Variants in TJP2 observed in about 807,000 individuals in gnomAD.
TJP2 encodes Friedreich ataxia region gene X104 (tight junction protein ZO-2).
In TJP2, 91 loss-of-function variants were observed where a neutral mutation model predicts 133.1. The ratio of observed to expected loss-of-function variants is 0.68; its 90% CI spans 0.58 to 0.81. The LOEUF (loss-of-function observed/expected upper bound fraction) is 0.81. Ranked by LOEUF, TJP2 falls within the 40% of genes least tolerant of loss-of-function variation. The probability of loss-of-function intolerance (pLI) is 0.00; values close to 1 mark genes in which losing one functional copy is unlikely to be tolerated. For missense variants in TJP2, 1,541 were observed against 1,565.6 expected, an observed-to-expected ratio of 0.98 and a Z score of 0.26; for synonymous variants, 592 against 583.4, an observed-to-expected ratio of 1.01 and a Z score of -0.21.
chr9:69,206,321 C>G (rs371349422), intron 1 of TJP2, among the ~76,000 whole-genome samples: 6 of 152,092 alleles, frequency 3.9e-5, no homozygotes, highest in African/African-American at 1.4e-4. Context: ...AACCTGCGTC[C>G]CCACTCTGCC....
rs896886431 is a variant in TJP2 at position 69,176,889 on chromosome 9, A to G, written c.60+2457A>G. On this transcript the variant is annotated intron_variant, in intron 1 of 22. Transcript: ENST00000377245. ...GCGGGGCCACTTTAGTCCTGTGTAC[A>G]ATAATATGTGTAGTAATATAAATAG... Among the ~76,000 whole-genome samples, 9 of 152,312 alleles carry G rather than the reference A, an allele frequency of 5.9e-5. 1 individual carries two copies. In the South Asian group the frequency reaches 6.2e-4, roughly 11 times the overall value.
rs149386335 is a variant in TJP2 at position 69,228,072 on chromosome 9, C to T, written c.1411C>T (p.Pro471Ser). The change falls in exon 9 of 23, where the codon CCA becomes TCA. Residue 471 changes from proline to serine, a missense_variant. Coordinates refer to ENST00000377245, the MANE Select transcript of TJP2 (RefSeq NM_004817.4). ...AGGGGATATTGCAGGCACAGTTGTC[C>T]CAGAGACCAACAAGGAACCCAGATA... ...STGDIAGTVV[P>S]ETNKEPRYQE... The T allele has an allele frequency of 2.5e-6, 4 of 1,613,354 alleles. No individual in the cohort carries two copies. In the African/African-American group the frequency reaches 4.0e-5, roughly 16 times the overall value.
At chr9:69,220,148 A>G (rs1281644339) in intron 4 of TJP2, among the ~76,000 whole-genome samples, 1 of 152,218 alleles carries the variant, frequency 6.6e-6, no homozygotes, top group Non-Finnish European at 1.5e-5. Context: ...TTAATAATAA[A>G]TTAAATAAAT....
rs189756774 is a variant in TJP2 at position 69,182,756 on chromosome 9, C to T, written c.60+8324C>T. Among the ~76,000 whole-genome samples, 16 of 151,044 alleles carry T rather than the reference C, an allele frequency of 1.1e-4. No individual in the cohort carries two copies. The East Asian group carries it at 3.1e-3, about 29-fold the overall frequency. On this transcript the variant is annotated intron_variant, in intron 1 of 22. Coordinates refer to ENST00000377245, the MANE Select transcript of TJP2 (RefSeq NM_004817.4). ...ATGTATGTATATACATATACACACA[C>T]ACAAATCTCAAGTAGAGAGCTTGAT...
chr9:69,174,154 G>C, upstream of TJP2: 8 of 1,266,236 alleles, frequency 6.3e-6, no homozygotes, highest in Non-Finnish European at 6.9e-6. Flanking sequence ...TTCCCGGGCC[G>C]GGCGGCCAGC....
At chr9:69,242,082 G>T (rs1291807915) in intron 17 of TJP2, among the ~76,000 whole-genome samples, 2 of 152,226 alleles carry the variant, frequency 1.3e-5, no homozygotes, top group South Asian at 2.1e-4. Flanking sequence ...GGGAATTACA[G>T]TGCATTGTAG....
At chr9:69,138,552 A>C (rs1822875941) in intron 1 of TJP2, among the ~76,000 whole-genome samples, 1 of 151,962 alleles carries the variant, frequency 6.6e-6, no homozygotes, top group Non-Finnish European at 1.5e-5. Flanking sequence ...GGATCACTTG[A>C]GGTCAGGAGT....
chr9:69,159,605 A>G (rs990426486), intron 2 of TJP2, among the ~76,000 whole-genome samples: 2 of 152,068 alleles, frequency 1.3e-5, no homozygotes, highest in African/African-American at 2.4e-5. Context: ...TTGGCTGGGT[A>G]CAGTGGCTCA....
At chr9:69,250,221 G>C (rs903781707) in intron 20 of TJP2, among the ~76,000 whole-genome samples, 2 of 152,156 alleles carry the variant, frequency 1.3e-5, no homozygotes, top group Non-Finnish European at 2.9e-5. Context: ...TCCTGCCTCA[G>C]CCTCCCGAGT....
intron 1 of TJP2, among the ~76,000 whole-genome samples, chr9:69,127,915 CTT>C (rs533707557): frequency 4.5e-5 from 3 of 66,186 alleles, no homozygotes; most frequent in Non-Finnish European, 1.0e-4. Context: ...GTATCTGTTC[CTT>C]TTTTTTTTTT....
chr9:69,206,729 C>A (rs772943896), intron 1 of TJP2, among the ~76,000 whole-genome samples: 10 of 152,100 alleles, frequency 6.6e-5, no homozygotes, highest in Non-Finnish European at 1.5e-4. Context: ...AGGTGCCTGC[C>A]ACCACACCTG....
intron 1 of TJP2, among the ~76,000 whole-genome samples, chr9:69,177,540 A>G (rs1052141370): frequency 2.0e-4 from 30 of 152,200 alleles, no homozygotes; most frequent in African/African-American, 6.8e-4. Flanking sequence ...TGGTATTACT[A>G]TTAAACTTTT....
At chr9:69,153,124 A>G (rs1004932941) in intron 2 of TJP2, among the ~76,000 whole-genome samples, 1 of 151,494 alleles carries the variant, frequency 6.6e-6, no homozygotes, top group Non-Finnish European at 1.5e-5. Flanking sequence ...TCCTAGCTAC[A>G]TGAGAAGCTG....
rs547763177 is a variant in TJP2 at position 69,214,765 on chromosome 9, C to G, written c.115-1574C>G. ...GCACATGCCTGTAGTCCCAGCTACTCAGGAGGCTGAGGCAGGAGAATCACT... is the reference window on the plus strand; with the variant it reads ...GCACATGCCTGTAGTCCCAGCTACTGAGGAGGCTGAGGCAGGAGAATCACT... On this transcript the variant is annotated intron_variant, in intron 2 of 22. Transcript: ENST00000377245. Among the ~76,000 whole-genome samples, 79 of 150,396 alleles carry G rather than the reference C, an allele frequency of 5.3e-4. 1 individual carries two copies. The South Asian group carries it at 0.016, about 31-fold the overall frequency.
Position 69,174,333 on chromosome 9 carries a change from G to T in TJP2, c.-40G>T. 7.1e-6 allele frequency: 11 copies of T among 1,551,096 alleles called. No individual in the cohort carries two copies. Among genetic ancestry groups the T allele is most frequent in the Non-Finnish European group, 9.6e-6 (11 of 1,146,840 alleles). ...AGGAGCAGGAGCAGAAGCAGAAGCG[G>T]GGTCCGGAGCTGCGCGCCTACGCGG... On this transcript the variant is annotated 5_prime_UTR_variant, in exon 1 of 23. Coordinates refer to ENST00000377245, the MANE Select transcript of TJP2 (RefSeq NM_004817.4).
In TJP2 at chr9:69,228,204, C is replaced by T. The variant is rs540302663; in HGVS notation, c.1453+90C>T. 8.7e-6 allele frequency: 13 copies of T among 1,492,404 alleles called. No homozygotes were observed. In the East Asian group the frequency reaches 2.7e-4, roughly 31 times the overall value. The allele number at this position is 1,492,404 out of a possible 1,614,324, so 92.4% of individuals were successfully genotyped here. ...ACAAAGAGTGAAATCATGTCCTTTGCAGCCACGTGGATGCAGCTGGAGGCC... is the reference window on the plus strand; with the variant it reads ...ACAAAGAGTGAAATCATGTCCTTTGTAGCCACGTGGATGCAGCTGGAGGCC... On this transcript the variant is annotated intron_variant, in intron 9 of 22. Coordinates refer to ENST00000377245, the MANE Select transcript of TJP2 (RefSeq NM_004817.4).
rs927466736 is a variant in TJP2, at chr9:69,144,168, C to T, written c.-130-7483C>T. On this transcript the variant is annotated intron_variant, in intron 1 of 5. Coordinates refer to the TJP2 transcript ENST00000423935. ...CAGATGTGAGCCACGTGCCCAGCAACACTCAAATTTTTAAAGCATGAGAGA... is the reference window on the plus strand; with the variant it reads ...CAGATGTGAGCCACGTGCCCAGCAATACTCAAATTTTTAAAGCATGAGAGA... Among the ~76,000 whole-genome samples, 14 of 152,166 alleles carry T rather than the reference C, an allele frequency of 9.2e-5. 1 individual carries two copies. Among genetic ancestry groups the T allele is most frequent in the African/African-American group, 3.4e-4 (14 of 41,526 alleles).
rs550104583 is a variant in TJP2, at chr9:69,198,544, C to CAGTTACTACT, written c.61-14003_61-14002insGTTACTACTA. Among the ~76,000 whole-genome samples the CAGTTACTACT allele has an allele frequency of 8.0e-3, 1,219 of 152,312 alleles. 6 individuals carry two copies. The highest frequency in any genetic ancestry group is 0.014 in the Non-Finnish European group (972 of 68,026). Reference sequence around the variant, plus strand: ...AAAAAACACAACTCAGTAAACCTGGCACTCTTCAGTAGTAGGTCTGGGATC... The same window carrying CAGTTACTACT: ...AAAAAACACAACTCAGTAAACCTGGCAGTTACTACTACTCTTCAGTAGTAGGTCTGGGATC... On this transcript the variant is annotated intron_variant, in intron 1 of 22. Coordinates refer to ENST00000377245, the MANE Select transcript of TJP2 (RefSeq NM_004817.4).
chr9:69,173,740 T>G (rs184235639), upstream of TJP2, among the ~76,000 whole-genome samples: 1 of 152,198 alleles, frequency 6.6e-6, no homozygotes, highest in African/African-American at 2.4e-5. Context: ...GTAGGAGAAC[T>G]GAAGCTGCCT....
Sources: allele counts gnomAD v4.1 joint callset (sites outside exome capture counted in the v4.1 genomes callset), GRCh38; gene constraint gnomAD v4.1.1; transcripts MANE v1.5; gene names NCBI Gene and HGNC (gene_info 2026-07-23, HGNC 2026-07-21).